The following EYS variants were observed in gnomAD, a reference collection of about 807,000 sequenced individuals.
EYS encodes the protein EGF-like photoreceptor maintenance factor.
In EYS, 250 loss-of-function variants were observed where a neutral mutation model predicts 282.1. The ratio of observed to expected loss-of-function variants is 0.89; its 90% confidence interval spans 0.80 to 0.98. The LOEUF is 0.98. Among genes scored for constraint, EYS ranks in the 50% least tolerant of loss-of-function variants. The probability of loss-of-function intolerance (pLI) is 0.00; values close to 1 mark genes in which losing one functional copy is unlikely to be tolerated. For synonymous variants in EYS, 1,355 were observed against 1,282.9 expected (o/e 1.06, Z -1.20); for missense variants, 4,016 against 3,709.0 (o/e 1.08, Z -2.15).
chr6:65,338,522 G>A (rs1562105723), intron 10 of EYS, among the ~76,000 whole-genome samples: 2 of 150,648 alleles, frequency 1.3e-5, no homozygotes, highest in African/African-American at 2.4e-5. Flanking sequence ...AATAGGGGTC[G>A]GCAACCCTAA....
intron 12 of EYS, among the ~76,000 whole-genome samples, chr6:65,198,667 G>C (rs754711292): frequency 2.0e-5 from 3 of 152,076 alleles, no homozygotes; most frequent in Non-Finnish European, 4.4e-5. Flanking sequence ...AATGTTAAGA[G>C]AGCAACATAA....
intron 31 of EYS, among the ~76,000 whole-genome samples, chr6:64,162,891 T>C (rs1012364109): frequency 6.6e-6 from 1 of 152,200 alleles, no homozygotes; most frequent in Non-Finnish European, 1.5e-5. Flanking sequence ...CTTCATAGTT[T>C]ACTGTTCAGA....
At chr6:65,163,709 C>A (rs753683057) in intron 12 of EYS, among the ~76,000 whole-genome samples, 4 of 151,224 alleles carry the variant, frequency 2.6e-5, no homozygotes, top group Admixed American at 1.3e-4. Context: ...ATTATTTTTA[C>A]ATTTTTTTAA....
chr6:64,980,588 T>C (rs956944182), intron 14 of EYS, among the ~76,000 whole-genome samples: 2 of 151,442 alleles, frequency 1.3e-5, no homozygotes, highest in Non-Finnish European at 3.0e-5. Context: ...TATTAATACA[T>C]ATACTTTGTG....
At chr6:64,777,662 CTGTA>C (rs982233045) in intron 22 of EYS, among the ~76,000 whole-genome samples, 30 of 152,242 alleles carry the variant, frequency 2.0e-4, no homozygotes, top group South Asian at 1.0e-3. Flanking sequence ...ACACTATAAA[CTGTA>C]TGTAATAAAA....
At chr6:64,112,301 T>C (rs1426953184) in intron 31 of EYS, among the ~76,000 whole-genome samples, 5 of 152,078 alleles carry the variant, frequency 3.3e-5, no homozygotes, top group Non-Finnish European at 7.4e-5. Flanking sequence ...TGCATTTTTT[T>C]CACAGCCAAG....
At chr6:64,025,337 C>A (rs991293183) in intron 33 of EYS, among the ~76,000 whole-genome samples, 3 of 152,110 alleles carry the variant, frequency 2.0e-5, no homozygotes, top group Non-Finnish European at 4.4e-5. Context: ...GAGGTCCCAA[C>A]AACAAGTTGG....
intron 13 of EYS, among the ~76,000 whole-genome samples, chr6:65,037,192 A>T (rs902219418): frequency 6.6e-6 from 1 of 151,914 alleles, no homozygotes; most frequent in African/African-American, 2.4e-5. Context: ...CATTATCTTA[A>T]TTGAATTAAT....
intron 8 of EYS, among the ~76,000 whole-genome samples, chr6:65,365,278 G>A (rs1471198675): frequency 3.3e-5 from 5 of 151,642 alleles, no homozygotes; most frequent in Admixed American, 6.7e-5. Context: ...GGACCTAGGA[G>A]GATTCCTGTT....
chr6:64,276,315 A>G (rs1768114954), intron 30 of EYS, among the ~76,000 whole-genome samples: 1 of 152,340 alleles, frequency 6.6e-6, no homozygotes, highest in South Asian at 2.1e-4. Context: ...TTCAAAAGTC[A>G]TCCTTCCTCT....
At chr6:64,466,206 T>A (rs140635546) in intron 26 of EYS, among the ~76,000 whole-genome samples, 2,485 of 151,894 alleles carry the variant, frequency 0.016, 23 homozygotes, top group South Asian at 0.035. Context: ...CTCAAGAAAA[T>A]AAAAAATAGC....
intron 30 of EYS, among the ~76,000 whole-genome samples, chr6:64,288,044 A>C (rs1421558457): frequency 1.3e-5 from 2 of 152,172 alleles, no homozygotes; most frequent in Non-Finnish European, 2.9e-5. Context: ...TGATATATGA[A>C]ACTCATTTGC....
At chr6:65,131,348 T>C (rs909208358) in intron 12 of EYS, among the ~76,000 whole-genome samples, 4 of 151,710 alleles carry the variant, frequency 2.6e-5, no homozygotes, top group African/African-American at 9.7e-5. Context: ...CATCAGCAAA[T>C]GCAGAAGAAC....
intron 31 of EYS, among the ~76,000 whole-genome samples, chr6:64,163,798 T>A (rs189252108): frequency 1.3e-5 from 2 of 152,190 alleles, no homozygotes; most frequent in East Asian, 3.9e-4. Flanking sequence ...GCATTTCTAC[T>A]TTGGAATCCA....
In EYS at chr6:64,757,734, CTTTTTTTCTTTG is replaced by C. The variant is rs1772994144; in HGVS notation, c.3443+55632_3443+55643del. Among the ~76,000 whole-genome samples the C allele has an allele frequency of 2.8e-5, 3 of 106,840 alleles. No homozygotes were observed. The South Asian group carries it at 1.0e-3, about 36-fold the overall frequency. 70.1% of individuals were successfully genotyped at this position (106,840 alleles called of 152,430 possible). A position where few individuals can be genotyped will look rare whatever the true frequency, so the allele number is the denominator to read the frequency against. Reference sequence around the variant, plus strand: ...CATCTACAAAAGATTAATTTTTTTTCTTTTTTTCTTTGTGTGTGTGTGTGTGTGTGTGTGTGT... The same window carrying C: ...CATCTACAAAAGATTAATTTTTTTTCTGTGTGTGTGTGTGTGTGTGTGTGT... On this transcript the variant is annotated intron_variant, in intron 22 of 42. Transcript: ENST00000503581.
At chr6:63,885,006 G>T (rs1024884580) in intron 35 of EYS, among the ~76,000 whole-genome samples, 3 of 152,016 alleles carry the variant, frequency 2.0e-5, no homozygotes, top group African/African-American at 7.2e-5. Context: ...ATTTGTATTT[G>T]CTTGTTCTTT....
At chr6:65,509,351 A>T (rs1184807431) in intron 2 of EYS, among the ~76,000 whole-genome samples, 1 of 152,218 alleles carries the variant, frequency 6.6e-6, no homozygotes, top group Non-Finnish European at 1.5e-5. Flanking sequence ...CATTCCCATC[A>T]GCAGTTTTTG....
intron 8 of EYS, among the ~76,000 whole-genome samples, chr6:65,364,007 A>G (rs1764815077): frequency 1.3e-5 from 2 of 151,274 alleles, no homozygotes; most frequent in Non-Finnish European, 3.0e-5. Context: ...CTTTATAATT[A>G]ATTTTTTCAC....
At chr6:65,605,641 T>C (rs1253197182) in intron 2 of EYS, among the ~76,000 whole-genome samples, 2 of 151,884 alleles carry the variant, frequency 1.3e-5, no homozygotes, top group African/African-American at 4.8e-5. Flanking sequence ...AACATACATA[T>C]TTAGCAAAAT....
Sources: allele counts gnomAD v4.1 joint callset (sites outside exome capture counted in the v4.1 genomes callset), GRCh38; gene constraint gnomAD v4.1.1; transcripts MANE v1.5; gene names NCBI Gene and HGNC (gene_info 2026-07-23, HGNC 2026-07-21).